MGST1: variants seen among roughly 807,000 people sequenced by gnomAD.
The protein encoded by MGST1 is glutathione S-transferase 12.
Under a neutral mutation model 8.9 loss-of-function variants are expected in MGST1, and 5 were observed. The observed-to-expected ratio is 0.56, with a 90% CI of 0.29 to 1.19. The LOEUF (loss-of-function observed/expected upper bound fraction) is 1.19, where lower values mean the gene tolerates loss of function less well. MGST1 is among the 50% of genes most tolerant of loss of function. The probability of loss-of-function intolerance (pLI) is 0.08; values close to 1 mark genes in which losing one functional copy is unlikely to be tolerated. For missense variants in MGST1, 182 were observed against 187.4 expected, an observed-to-expected ratio of 0.97 and a Z score of 0.17; for synonymous variants, 54 against 67.8, an observed-to-expected ratio of 0.80 and a Z score of 1.00.
chr12:16,414,882 G>A (rs1464151618), intron 1 of MGST1, among the ~76,000 whole-genome samples: 2 of 152,190 alleles, frequency 1.3e-5, no homozygotes, highest in Non-Finnish European at 2.9e-5. Context: ...AAATTAGCCG[G>A]GCGTGATGGC....
rs950066247 is a variant in MGST1 at position 16,584,161 on chromosome 12, A to C, written n.483-5367A>C. 3.9e-5 allele frequency among the ~76,000 whole-genome samples: 6 copies of C among 152,090 alleles called. No homozygotes were observed. Among genetic ancestry groups the C allele is most frequent in the Non-Finnish European group, 7.4e-5 (5 of 68,020 alleles). Reference sequence around the variant, plus strand: ...TAAGAGGGAAATGACAGCAGTGAGTAGGGGTAAAAGGTAGTATAATTAGAT... The same window carrying C: ...TAAGAGGGAAATGACAGCAGTGAGTCGGGGTAAAAGGTAGTATAATTAGAT... On this transcript the variant is annotated intron_variant and non_coding_transcript_variant, in intron 4 of 4. Coordinates refer to the MGST1 transcript ENST00000538857. This position sits in a 1 kb window ranked among gnomAD's most constrained non-coding sequence, Gnocchi z 5.2.
Position 16,458,697 on chromosome 12 carries a change from G to T in MGST1, n.482+75093G>T, listed in dbSNP as rs1461192602. Among the ~76,000 whole-genome samples the T allele has an allele frequency of 1.3e-5, 2 of 152,010 alleles. No individual in the cohort carries two copies. Among genetic ancestry groups the T allele is most frequent in the Non-Finnish European group, 2.9e-5 (2 of 67,970 alleles). On this transcript the variant is annotated intron_variant and non_coding_transcript_variant, in intron 4 of 4. Transcript: ENST00000538857. The surrounding 1 kb of genome is among the most constrained non-coding windows in gnomAD (Gnocchi z 4.0). ...GTTGAGTATTTATATGAGAGTTATT[G>T]TGACTCATATCATCATTTTACTGTA...
chr12:16,470,342 A>G (rs971110376), intron 4 of MGST1, among the ~76,000 whole-genome samples: 2 of 152,224 alleles, frequency 1.3e-5, no homozygotes, highest in Non-Finnish European at 2.9e-5. Context: ...CAGAAAACAA[A>G]AGAAAAATCT....
At chr12:16,575,283 A>T (rs532829701) in intron 4 of MGST1, among the ~76,000 whole-genome samples, 8 of 152,222 alleles carry the variant, frequency 5.3e-5, no homozygotes, top group Non-Finnish European at 1.2e-4. Context: ...CATAAGGTCA[A>T]TTTCCACACA....
intron 4 of MGST1, among the ~76,000 whole-genome samples, chr12:16,451,358 TC>T (rs1391936226): frequency 6.6e-6 from 1 of 151,864 alleles, no homozygotes; most frequent in African/African-American, 2.4e-5. Context: ...ATTTTTACTA[TC>T]CTTTAAACTG....
chr12:16,575,158 G>A (rs1040060481), intron 4 of MGST1, among the ~76,000 whole-genome samples: 4 of 152,048 alleles, frequency 2.6e-5, no homozygotes, highest in South Asian at 2.1e-4. Flanking sequence ...TATGATGTCC[G>A]TCATGTTTTT....
intron 4 of MGST1, chr12:16,549,181 A>ATAT (rs1941897027): frequency 2.0e-5 from 3 of 152,190 alleles, no homozygotes; most frequent in Middle Eastern, 6.8e-3. Context: ...TCTCCCCCAC[A>ATAT]TATTTTTAAT....
chr12:16,484,510 C>T (rs566616938), intron 4 of MGST1, among the ~76,000 whole-genome samples: 51 of 152,112 alleles, frequency 3.4e-4, no homozygotes, highest in African/African-American at 1.1e-3. Flanking sequence ...ATAAAGAAAA[C>T]GGGTTTAACT....
At position 16,361,338 on chromosome 12, in the gene MGST1, G is replaced by A. The variant is rs2136984627; in HGVS notation, c.222-2457G>A. On this transcript the variant is annotated intron_variant, in intron 3 of 3. Transcript: ENST00000396210. This position sits in a 1 kb window ranked among gnomAD's most constrained non-coding sequence, Gnocchi z 4.2. ...GGGATCCAAGTAATTCTGATCTGAG[G>A]GAAGGAGGCGTGGCTGTGGCCTCAA... Among the ~76,000 whole-genome samples, 1 of 152,344 alleles carries A rather than the reference G, an allele frequency of 6.6e-6. No homozygotes were observed. Among genetic ancestry groups the A allele is most frequent in the South Asian group, 2.1e-4 (1 of 4,824 alleles).
At chr12:16,473,261 A>G (rs1030841129) in intron 4 of MGST1, among the ~76,000 whole-genome samples, 27 of 152,184 alleles carry the variant, frequency 1.8e-4, no homozygotes, top group Non-Finnish European at 7.3e-5. Context: ...GGGTTGGTAC[A>G]GGCATATAGG....
chr12:16,395,804 TACACACAC>T, intron 1 of MGST1, among the ~76,000 whole-genome samples: 1 of 123,752 alleles, frequency 8.1e-6, no homozygotes, highest in East Asian at 2.9e-4. Context: ...TATATATATA[TACACACAC>T]ACACACACAC....
chr12:16,368,733 G>A (rs575189168), downstream of MGST1, among the ~76,000 whole-genome samples: 11 of 152,156 alleles, frequency 7.2e-5, no homozygotes, highest in South Asian at 6.2e-4. Context: ...GTCAGCAAGC[G>A]CAGGCCCTAA....
rs548943937 is a variant in MGST1, at chr12:16,482,651, G to C, written n.482+99047G>C. Among the ~76,000 whole-genome samples the C allele has an allele frequency of 9.1e-4, 138 of 151,452 alleles. 2 individuals are homozygous for C. The South Asian group carries it at 0.016, about 18-fold the overall frequency. ...GTCTGGAAGAAAAAAAAAAAAGAGT[G>C]AGAACATGTAAAAATGCAAGAACAT... On this transcript the variant is annotated intron_variant and non_coding_transcript_variant, in intron 4 of 4. Coordinates refer to the MGST1 transcript ENST00000538857. The surrounding 1 kb of genome is among the most constrained non-coding windows in gnomAD (Gnocchi z 4.2).
chr12:16,396,164 T>C (rs1940603603), intron 1 of MGST1, among the ~76,000 whole-genome samples: 1 of 152,068 alleles, frequency 6.6e-6, no homozygotes, highest in African/African-American at 2.4e-5. Context: ...TGGTATTGCG[T>C]TGTGGTTTTG....
At chr12:16,527,787 A>G (rs1941696862) in intron 4 of MGST1, among the ~76,000 whole-genome samples, 2 of 152,110 alleles carry the variant, frequency 1.3e-5, no homozygotes, top group East Asian at 1.9e-4. Flanking sequence ...TACACCTTGC[A>G]TGGAGTCTTT....
chr12:16,551,358 TAA>T (rs1481599282), intron 4 of MGST1: 1 of 1,272,226 alleles, frequency 7.9e-7, no homozygotes, highest in Non-Finnish European at 1.1e-6. Context: ...AAAATGTGGT[TAA>T]GACCATTTCA....
At chr12:16,352,336 A>G (rs928455786) in intron 1 of MGST1, among the ~76,000 whole-genome samples, 5 of 152,204 alleles carry the variant, frequency 3.3e-5, no homozygotes, top group African/African-American at 1.2e-4. Flanking sequence ...TACTGGTAAG[A>G]TGGATAGAAA....
At chr12:16,377,313 C>T (rs1240575193), downstream of MGST1, 3 of 116,488 alleles carry the variant, frequency 2.6e-5, no homozygotes, top group Admixed American at 1.2e-4. Flanking sequence ...CACCCCGCAA[C>T]GGTCCCCAGT....
At chr12:16,475,762 G>T (rs2111160) in intron 4 of MGST1, among the ~76,000 whole-genome samples, 1 of 152,062 alleles carries the variant, frequency 6.6e-6, no homozygotes, top group Non-Finnish European at 1.5e-5. Context: ...AGGTATTTTA[G>T]AAGTGTCCCT....
Sources: allele counts gnomAD v4.1 joint callset (sites outside exome capture counted in the v4.1 genomes callset), GRCh38; gene constraint gnomAD v4.1.1; non-coding constraint Gnocchi (gnomAD v3.1); transcripts MANE v1.5; gene names NCBI Gene and HGNC (gene_info 2026-07-23, HGNC 2026-07-21).